ZDHHC21: variants seen among roughly 807,000 people sequenced by gnomAD.
ZDHHC21 encodes palmitoyltransferase ZDHHC21.
Under a neutral mutation model 34.6 loss-of-function variants are expected in ZDHHC21, and 15 were observed. The ratio of observed to expected loss-of-function variants is 0.43; its 90% CI spans 0.29 to 0.67. ZDHHC21 has a LOEUF of 0.67. ZDHHC21 is among the 30% of genes least tolerant of loss of function. The pLI, the probability that ZDHHC21 is intolerant of heterozygous loss-of-function variation, is 0.14. For missense variants in ZDHHC21, 344 were observed against 327.7 expected (o/e 1.05, Z -0.38); for synonymous variants, 142 against 101.8 (o/e 1.40, Z -2.38).
chr9:14,665,435 T>A (rs1047270488), intron 5 of ZDHHC21, among the ~76,000 whole-genome samples: 1 of 146,902 alleles, frequency 6.8e-6, no homozygotes, highest in African/African-American at 2.5e-5. Context: ...CAGGATATTA[T>A]CCAGGAGAAC....
intron 7 of ZDHHC21, among the ~76,000 whole-genome samples, chr9:14,649,932 G>A (rs1025594771): frequency 6.6e-6 from 1 of 152,046 alleles, no homozygotes; most frequent in African/African-American, 2.4e-5. Context: ...TAAAAGAAGA[G>A]TAAGACAATA....
chr9:14,630,639 T>C (rs1827173413), intron 8 of ZDHHC21, among the ~76,000 whole-genome samples: 1 of 152,232 alleles, frequency 6.6e-6, no homozygotes, highest in Non-Finnish European at 1.5e-5. Context: ...ACAGCAGCTA[T>C]AGCCCATGAA....
At chr9:14,677,214 C>A (rs542445092) in intron 3 of ZDHHC21, among the ~76,000 whole-genome samples, 1 of 151,930 alleles carries the variant, frequency 6.6e-6, no homozygotes, top group Non-Finnish European at 1.5e-5. Context: ...TCTAAAAGAG[C>A]AAGCATCCCT....
intron 5 of ZDHHC21, among the ~76,000 whole-genome samples, chr9:14,670,376 C>A (rs1397779520): frequency 6.6e-6 from 1 of 152,022 alleles, no homozygotes; most frequent in Non-Finnish European, 1.5e-5. Flanking sequence ...GACCTATGAG[C>A]TAAGAATAAT....
At chr9:14,633,620 C>T (rs1240145901) in intron 8 of ZDHHC21, among the ~76,000 whole-genome samples, 3 of 152,176 alleles carry the variant, frequency 2.0e-5, no homozygotes, top group South Asian at 2.1e-4. Flanking sequence ...TGGAGCCCCA[C>T]TGATATTCCC....
intron 2 of ZDHHC21, among the ~76,000 whole-genome samples, chr9:14,688,426 G>T (rs1838674646): frequency 6.6e-6 from 1 of 150,792 alleles, no homozygotes; most frequent in Admixed American, 6.6e-5. Context: ...TAAAAGTAAT[G>T]AAACAGTTTA....
chr9:14,598,042 T>C, the ZDHHC21 span, among the ~76,000 whole-genome samples: 4 of 152,190 alleles, frequency 2.6e-5, no homozygotes, highest in East Asian at 5.8e-4. Flanking sequence ...CTACTGGCAT[T>C]ATCAAAGCCA....
chr9:14,639,791 G>T, intron 8 of ZDHHC21, 105 bp downstream of exon 8: 1 of 600,630 alleles, frequency 1.7e-6, no homozygotes, highest in Non-Finnish European at 2.7e-6. Context: ...AAAAGCATGG[G>T]TAATTTTCTC....
intron 8 of ZDHHC21, among the ~76,000 whole-genome samples, chr9:14,636,642 A>C (rs1828357590): frequency 6.6e-6 from 1 of 152,208 alleles, no homozygotes; most frequent in Non-Finnish European, 1.5e-5. Context: ...TCCAAGATAG[A>C]CCATAGGTTA....
intron 5 of ZDHHC21, among the ~76,000 whole-genome samples, chr9:14,669,245 T>G (rs1305636542): frequency 6.9e-6 from 1 of 144,340 alleles, no homozygotes; most frequent in African/African-American, 2.5e-5. Context: ...AAAAGACACA[T>G]GAAAAAATGC....
At chr9:14,663,151 G>C (rs539299900) in intron 5 of ZDHHC21, among the ~76,000 whole-genome samples, 71 of 152,078 alleles carry the variant, frequency 4.7e-4, no homozygotes, top group Non-Finnish European at 9.1e-4. Context: ...AACTATGGAA[G>C]AGTCATCTTC....
the ZDHHC21 span, among the ~76,000 whole-genome samples, chr9:14,604,407 A>G: frequency 4.6e-5 from 7 of 152,186 alleles, no homozygotes; most frequent in African/African-American, 1.7e-4. Flanking sequence ...ATTAAAATTT[A>G]CATAAATGTA....
intron 8 of ZDHHC21, among the ~76,000 whole-genome samples, chr9:14,632,434 T>C (rs1366513777): frequency 6.6e-6 from 1 of 151,998 alleles, no homozygotes; most frequent in African/African-American, 2.4e-5. Flanking sequence ...TCACACAATG[T>C]ACAAAAATTA....
intron 8 of ZDHHC21, among the ~76,000 whole-genome samples, chr9:14,633,142 T>C (rs2133608092): frequency 6.6e-6 from 1 of 152,272 alleles, no homozygotes; most frequent in South Asian, 2.1e-4. Context: ...CAACTGGTAC[T>C]CACCTCCTTC....
chr9:14,598,677 G>C, the ZDHHC21 span, among the ~76,000 whole-genome samples: 1 of 152,072 alleles, frequency 6.6e-6, no homozygotes, highest in Non-Finnish European at 1.5e-5. Flanking sequence ...AAATATAAGA[G>C]AACACAATAC....
At chr9:14,685,476 G>T (rs1446762443) in intron 2 of ZDHHC21, among the ~76,000 whole-genome samples, 1 of 151,694 alleles carries the variant, frequency 6.6e-6, no homozygotes, top group African/African-American at 2.4e-5. Context: ...CTGGCCATCA[G>T]AGAAATGCAA....
chr9:14,600,799 A>G, the ZDHHC21 span, among the ~76,000 whole-genome samples: 5 of 152,228 alleles, frequency 3.3e-5, no homozygotes, highest in Admixed American at 1.3e-4. Flanking sequence ...GTATGAAAAC[A>G]GATATATAGA....
chr9:14,656,013 T>G (rs891923719), intron 7 of ZDHHC21, among the ~76,000 whole-genome samples: 16 of 151,518 alleles, frequency 1.1e-4, no homozygotes, highest in African/African-American at 3.4e-4. Context: ...GAAAAAAAAT[T>G]TGAAGGCAAG....
At position 14,658,758 on chromosome 9, in the gene ZDHHC21, C is replaced by A. The variant is rs1832817450; in HGVS notation, c.495G>T (p.Lys165Asn). The A allele has an allele frequency of 1.2e-6, 2 of 1,613,278 alleles. No individual in the cohort carries two copies. Among genetic ancestry groups the A allele is most frequent in the Non-Finnish European group, 1.7e-6 (2 of 1,179,816 alleles). ...CHYYYFLPLK[K>N]RNLDLFVFRH... The stretch of plus-strand genomic sequence containing the variant: ...TATAAACATTTCTTACCAAATTACG[C>A]TTTTTTAGTGGAAGAAAATAGTAAT... The change falls in exon 7 of 10, where the codon AAG becomes AAT. Residue 165 changes from lysine (K) to asparagine (N), a missense_variant. Physicochemically the swap from Lys to Asn is moderately conservative, Grantham distance 94. Coordinates refer to ENST00000380916, the MANE Select transcript of ZDHHC21 (RefSeq NM_178566.6).
Sources: allele counts gnomAD v4.1 joint callset (sites outside exome capture counted in the v4.1 genomes callset), GRCh38; gene constraint gnomAD v4.1.1; transcripts MANE v1.5; gene names NCBI Gene and HGNC (gene_info 2026-07-23, HGNC 2026-07-21).